Variants in MLLT3 observed in about 807,000 individuals in gnomAD.
MLLT3 encodes the protein MLLT3 super elongation complex subunit, also known as protein AF-9.
Under a neutral mutation model 53.2 loss-of-function variants are expected in MLLT3, and 4 were observed. The ratio of observed to expected loss-of-function variants is 0.08; its 90% CI spans 0.04 to 0.17. The LOEUF (loss-of-function observed/expected upper bound fraction) is 0.17, where lower values mean the gene tolerates loss of function less well. Among genes scored for constraint, MLLT3 ranks in the 10% least tolerant of loss-of-function variants. MLLT3 has a pLI of 1.00. For synonymous variants in MLLT3, 283 were observed against 230.6 expected (o/e 1.23, Z -2.06); for missense variants, 569 against 684.0 (o/e 0.83, Z 1.87).
chr9:20,501,559 G>A (rs936152563), intron 2 of MLLT3, among the ~76,000 whole-genome samples: 7 of 151,650 alleles, frequency 4.6e-5, no homozygotes, highest in East Asian at 3.9e-4. Flanking sequence ...AGACCATCCT[G>A]GCTAACAAGG....
At chr9:20,361,586 G>C (rs1190976365) in intron 7 of MLLT3, among the ~76,000 whole-genome samples, 1 of 151,984 alleles carries the variant, frequency 6.6e-6, no homozygotes, top group African/African-American at 2.4e-5. Context: ...ACAAAGAAAT[G>C]GTATGTTTGG....
At chr9:20,360,502 C>A (rs541073170) in intron 8 of MLLT3, among the ~76,000 whole-genome samples, 1 of 152,302 alleles carries the variant, frequency 6.6e-6, no homozygotes, top group African/African-American at 2.4e-5. Context: ...CTTTTTGTCA[C>A]CCTCTCTTAT....
intron 2 of MLLT3, among the ~76,000 whole-genome samples, chr9:20,505,511 G>C: frequency 6.6e-6 from 1 of 152,164 alleles, no homozygotes; most frequent in East Asian, 1.9e-4. Context: ...TCTGTACAAA[G>C]TACACATATG....
chr9:20,375,089 C>G (rs560939125), intron 5 of MLLT3, among the ~76,000 whole-genome samples: 75 of 152,292 alleles, frequency 4.9e-4, no homozygotes, highest in African/African-American at 1.7e-3. Context: ...GACTTCCCAG[C>G]CTTTAAAACT....
At chr9:20,349,136 G>C (rs1005117644) in intron 10 of MLLT3, among the ~76,000 whole-genome samples, 3 of 152,166 alleles carry the variant, frequency 2.0e-5, no homozygotes, top group African/African-American at 4.8e-5. Flanking sequence ...AAAGCATTCA[G>C]AATAGAGTTC....
At chr9:20,542,006 G>C (rs1169862252) in intron 2 of MLLT3, among the ~76,000 whole-genome samples, 1 of 152,060 alleles carries the variant, frequency 6.6e-6, no homozygotes, top group Non-Finnish European at 1.5e-5. Context: ...ATCTTTTCCA[G>C]AGGTTTTCAA....
chr9:20,482,720 G>C (rs146452739), intron 2 of MLLT3, among the ~76,000 whole-genome samples: 1 of 152,138 alleles, frequency 6.6e-6, no homozygotes, highest in African/African-American at 2.4e-5. Context: ...ATTAGTATAA[G>C]AGGCATTAGC....
At chr9:20,419,112 A>C (rs1822946009) in intron 4 of MLLT3, among the ~76,000 whole-genome samples, 1 of 152,176 alleles carries the variant, frequency 6.6e-6, no homozygotes. Flanking sequence ...TCTGGAGGAG[A>C]AAGATGAAAT....
intron 4 of MLLT3, among the ~76,000 whole-genome samples, chr9:20,424,131 G>C (rs892286921): frequency 3.9e-4 from 59 of 152,208 alleles, no homozygotes; most frequent in Admixed American, 2.0e-4. Context: ...AGGATTCATA[G>C]ATTTTGGCAA....
rs1821020738 is a variant in MLLT3, at chr9:20,621,824, C to T, written c.12+421G>A. The T allele has an allele frequency of 4.9e-6, 7 of 1,426,196 alleles. No homozygotes were observed. In the South Asian group the frequency reaches 6.0e-5, roughly 12 times the overall value. The allele number at this position is 1,426,196 out of a possible 1,614,324, so 88.3% of individuals were successfully genotyped here. On this transcript the variant is annotated intron_variant, in intron 1 of 10. Coordinates refer to ENST00000380338, the MANE Select transcript of MLLT3 (RefSeq NM_004529.4). This position sits in a 1 kb window ranked among gnomAD's most constrained non-coding sequence, Gnocchi z 7.0. The stretch of plus-strand genomic sequence containing the variant: ...GAGGTGCGGCCGCCGAGGCTGCTCG[C>T]CGCGTCCCCGGACTGTGCCCGCAGC...
intron 4 of MLLT3, among the ~76,000 whole-genome samples, chr9:20,447,514 G>T (rs561337693): frequency 6.6e-6 from 1 of 152,222 alleles, no homozygotes; most frequent in East Asian, 1.9e-4. Context: ...CACACCAAAT[G>T]TTTATGTTTC....
intron 4 of MLLT3, among the ~76,000 whole-genome samples, chr9:20,417,395 G>GATAT (rs539313064): frequency 2.1e-5 from 3 of 146,096 alleles, no homozygotes; most frequent in African/African-American, 5.0e-5. Flanking sequence ...ATGTATATCT[G>GATAT]ATATATATAT....
intron 4 of MLLT3, among the ~76,000 whole-genome samples, chr9:20,420,683 C>A (rs1039407571): frequency 6.6e-6 from 1 of 151,990 alleles, no homozygotes. Context: ...AATAATTATA[C>A]GTAGAATTTT....
intron 5 of MLLT3, among the ~76,000 whole-genome samples, chr9:20,399,997 T>G (rs1822414764): frequency 6.6e-6 from 1 of 151,924 alleles, no homozygotes; most frequent in Non-Finnish European, 1.5e-5. Flanking sequence ...CAATCCCTAA[T>G]GAATTAATGC....
At chr9:20,571,895 G>A (rs1055471223) in intron 2 of MLLT3, among the ~76,000 whole-genome samples, 2 of 152,150 alleles carry the variant, frequency 1.3e-5, no homozygotes, top group Non-Finnish European at 1.5e-5. Flanking sequence ...GCAAAGATGT[G>A]GAGAAAAGGA....
intron 8 of MLLT3, 81 bp from the exon 9 acceptor site, chr9:20,354,960 C>A: frequency 1.1e-6 from 1 of 914,806 alleles, no homozygotes; most frequent in East Asian, 2.4e-5. Context: ...AAGGCATCCA[C>A]TGAATGAAAT....
intron 5 of MLLT3, among the ~76,000 whole-genome samples, chr9:20,384,007 G>C (rs1821969131): frequency 6.6e-6 from 1 of 151,964 alleles, no homozygotes; most frequent in Admixed American, 6.6e-5. Context: ...CTTATTTAGG[G>C]CATCACATTG....
chr9:20,551,114 G>C, intron 2 of MLLT3, among the ~76,000 whole-genome samples: 1 of 152,294 alleles, frequency 6.6e-6, no homozygotes, highest in South Asian at 2.1e-4. Flanking sequence ...AATACTCATC[G>C]TGAAAATCAA....
intron 4 of MLLT3, among the ~76,000 whole-genome samples, chr9:20,416,053 A>G (rs1822863211): frequency 6.6e-6 from 1 of 151,988 alleles, no homozygotes. Flanking sequence ...TGAGATTTAA[A>G]AGGAAAATTC....
Sources: allele counts gnomAD v4.1 joint callset (sites outside exome capture counted in the v4.1 genomes callset), GRCh38; gene constraint gnomAD v4.1.1; non-coding constraint Gnocchi (gnomAD v3.1); transcripts MANE v1.5; gene names NCBI Gene and HGNC (gene_info 2026-07-23, HGNC 2026-07-21).